Variants in GALNTL6 observed in about 807,000 individuals in gnomAD.
The protein encoded by GALNTL6 is polypeptide N-acetylgalactosaminyltransferase like 6, also known as polypeptide N-acetylgalactosaminyltransferase-like 6.
Under a neutral mutation model 73.7 loss-of-function variants are expected in GALNTL6, and 46 were observed. That is an observed-to-expected ratio of 0.62 (90% CI 0.49 to 0.80). The LOEUF (loss-of-function observed/expected upper bound fraction) is 0.80. GALNTL6 is among the 30% of genes least tolerant of loss of function. The pLI, the probability that GALNTL6 is intolerant of heterozygous loss-of-function variation, is 0.00. For missense variants in GALNTL6, 604 were observed against 755.0 expected (o/e 0.80, Z 2.34); for synonymous variants, 259 against 263.7 (o/e 0.98, Z 0.17).
intron 10 of GALNTL6, among the ~76,000 whole-genome samples, chr4:173,005,644 C>T (rs1397719152): frequency 6.6e-6 from 1 of 152,168 alleles, no homozygotes; most frequent in Non-Finnish European, 1.5e-5. Flanking sequence ...AGAATCTGAA[C>T]ATGTGCTGGA....
Position 172,373,418 on chromosome 4 carries a change from C to T in GALNTL6, c.553+24729C>T, listed in dbSNP as rs116605404. 3.3e-5 allele frequency among the ~76,000 whole-genome samples: 5 copies of T among 151,536 alleles called. No homozygotes were observed. In the East Asian group the frequency reaches 7.7e-4, roughly 23 times the overall value. On this transcript the variant is annotated intron_variant, in intron 5 of 12. Coordinates refer to ENST00000506823, the MANE Select transcript of GALNTL6 (RefSeq NM_001034845.3). ...AGATCTTGCACTAGTCTCCACTGAC[C>T]GTCGGTTTTTGTACTTCTAGAATTG...
intron 2 of GALNTL6, among the ~76,000 whole-genome samples, chr4:172,208,273 T>C (rs1384952847): frequency 9.9e-5 from 15 of 152,160 alleles, no homozygotes; most frequent in Non-Finnish European, 1.5e-4. Flanking sequence ...TCATTTTAAT[T>C]CTTTTACTAA....
rs75034127 is a variant in GALNTL6, at chr4:172,058,726, T to C, written c.139-170930T>C. ...TTAAAGTCATTCATTTTTCCTCTAA[T>C]CAAGTAGTTGCTTTTTTATAGTATA... On this transcript the variant is annotated intron_variant, in intron 2 of 12. Coordinates refer to ENST00000506823, the MANE Select transcript of GALNTL6 (RefSeq NM_001034845.3). Among the ~76,000 whole-genome samples, 265 of 152,314 alleles carry C rather than the reference T, an allele frequency of 1.7e-3. 1 individual carries two copies. Among genetic ancestry groups the C allele is most frequent in the African/African-American group, 6.2e-3 (258 of 41,582 alleles).
At chr4:172,925,884 T>C (rs868723021) in intron 8 of GALNTL6, among the ~76,000 whole-genome samples, 1 of 152,218 alleles carries the variant, frequency 6.6e-6, no homozygotes, top group Admixed American at 6.5e-5. Context: ...TCATCTGTTA[T>C]GCACGTACAT....
chr4:172,681,469 TATGAG>T (rs1387220264), intron 5 of GALNTL6, among the ~76,000 whole-genome samples: 5 of 152,302 alleles, frequency 3.3e-5, no homozygotes, highest in African/African-American at 9.6e-5. Flanking sequence ...AAGATATATC[TATGAG>T]ATAAGTTCTG....
intron 10 of GALNTL6, among the ~76,000 whole-genome samples, chr4:173,003,591 C>T (rs559480997): frequency 2.6e-5 from 4 of 152,316 alleles, no homozygotes; most frequent in South Asian, 2.1e-4. Context: ...CCAGGCACTT[C>T]GCATGCATCT....
At chr4:172,375,581 A>G (rs1344073569) in intron 5 of GALNTL6, among the ~76,000 whole-genome samples, 2 of 152,166 alleles carry the variant, frequency 1.3e-5, no homozygotes, top group Non-Finnish European at 2.9e-5. Context: ...ACAGCAGCAG[A>G]AACAACCCCT....
chr4:172,357,956 T>C (rs1157483580), intron 5 of GALNTL6, among the ~76,000 whole-genome samples: 2 of 152,176 alleles, frequency 1.3e-5, no homozygotes, highest in African/African-American at 4.8e-5. Flanking sequence ...ATTCTTTTTT[T>C]GATTGGGTCC....
In GALNTL6 at chr4:172,910,543, C is replaced by T. The variant is rs188557672; in HGVS notation, c.1042-20618C>T. 1.1e-4 allele frequency among the ~76,000 whole-genome samples: 17 copies of T among 152,296 alleles called. 1 individual carries two copies. Among genetic ancestry groups the T allele is most frequent in the Middle Eastern group, 6.8e-3 (2 of 294 alleles). ...GAAGGCCCCTGACTTTTAAGATCCT[C>T]TTAATGGAAGGAATTTAGTTTGGAT... On this transcript the variant is annotated intron_variant, in intron 8 of 12. Transcript: ENST00000506823.
At chr4:172,604,067 G>T (rs1394760260) in intron 5 of GALNTL6, among the ~76,000 whole-genome samples, 1 of 152,180 alleles carries the variant, frequency 6.6e-6, no homozygotes, top group Non-Finnish European at 1.5e-5. Flanking sequence ...TTGCCCTGCT[G>T]AGCGGTGCAT....
At chr4:172,874,690 G>T (rs1745103868) in intron 7 of GALNTL6, among the ~76,000 whole-genome samples, 1 of 152,142 alleles carries the variant, frequency 6.6e-6, no homozygotes, top group African/African-American at 2.4e-5. Flanking sequence ...GAAGCATTTG[G>T]GAAACTGGGA....
chr4:172,994,170 A>C (rs569692140), intron 10 of GALNTL6, among the ~76,000 whole-genome samples: 1 of 152,098 alleles, frequency 6.6e-6, no homozygotes, highest in Non-Finnish European at 1.5e-5. Context: ...TAACTGTTGT[A>C]TAAGATGGTG....
At chr4:171,930,245 G>A (rs1738135487) in intron 2 of GALNTL6, among the ~76,000 whole-genome samples, 2 of 152,324 alleles carry the variant, frequency 1.3e-5, no homozygotes, top group South Asian at 2.1e-4. Context: ...TTCGCCTCCA[G>A]CGAAACCATG....
intron 2 of GALNTL6, among the ~76,000 whole-genome samples, chr4:172,088,440 A>T (rs144662884): frequency 2.0e-5 from 3 of 152,220 alleles, no homozygotes; most frequent in South Asian, 2.1e-4. Context: ...CCAGTAACTC[A>T]ATGTGGTACA....
intron 3 of GALNTL6, among the ~76,000 whole-genome samples, chr4:172,279,527 C>A: frequency 6.6e-6 from 1 of 152,024 alleles, no homozygotes; most frequent in East Asian, 1.9e-4. Context: ...ATCTCACACC[C>A]CTTAGGATGT....
intron 3 of GALNTL6, among the ~76,000 whole-genome samples, chr4:172,278,583 T>C (rs1456704975): frequency 6.6e-6 from 1 of 152,170 alleles, no homozygotes; most frequent in Non-Finnish European, 1.5e-5. Context: ...TGTTATCCTT[T>C]TGGATTTACT....
At chr4:172,594,649 TA>T (rs1737784253) in intron 5 of GALNTL6, among the ~76,000 whole-genome samples, 1 of 152,210 alleles carries the variant, frequency 6.6e-6, no homozygotes, top group Admixed American at 6.5e-5. Flanking sequence ...TTCACAGTCC[TA>T]TTTTATTTAG....
At chr4:172,084,854 C>T (rs2110928227) in intron 2 of GALNTL6, among the ~76,000 whole-genome samples, 1 of 152,182 alleles carries the variant, frequency 6.6e-6, no homozygotes, top group South Asian at 2.1e-4. Flanking sequence ...ATAGACACAG[C>T]CAGGAAGCAC....
At chr4:172,265,239 C>G (rs1738411835) in intron 3 of GALNTL6, among the ~76,000 whole-genome samples, 1 of 151,912 alleles carries the variant, frequency 6.6e-6, no homozygotes. Flanking sequence ...GAGGGCAAAC[C>G]AGAGACGTAT....
Sources: allele counts gnomAD v4.1 joint callset (sites outside exome capture counted in the v4.1 genomes callset), GRCh38; gene constraint gnomAD v4.1.1; transcripts MANE v1.5; gene names NCBI Gene and HGNC (gene_info 2026-07-23, HGNC 2026-07-21).